Variants in ARID4A observed in about 807,000 individuals in gnomAD.
ARID4A encodes the protein AT-rich interactive domain-containing protein 4A.
Under a neutral mutation model 148.6 loss-of-function variants are expected in ARID4A, and 39 were observed. The ratio of observed to expected loss-of-function variants is 0.26; its 90% CI spans 0.20 to 0.34. The LOEUF is 0.34. Ranked by LOEUF, ARID4A falls within the 10% of genes least tolerant of loss-of-function variation. The pLI, the probability that ARID4A is intolerant of heterozygous loss-of-function variation, is 1.00. For synonymous variants in ARID4A, 475 were observed against 481.2 expected, an observed-to-expected ratio of 0.99 and a Z score of 0.17; for missense variants, 1,265 against 1,449.1, an observed-to-expected ratio of 0.87 and a Z score of 2.06.
rs1029800532 is a variant in ARID4A, at chr14:58,372,067, G to A, written c.*78G>A. On this transcript the variant is annotated 3_prime_UTR_variant, in exon 24 of 24. Transcript: ENST00000355431. ...AAACCCTGAATTACAACCACAGAAA[G>A]CACTCAACTGGTTTGACATTGCTAA... is the stretch of plus-strand genomic sequence containing the variant. The A allele has an allele frequency of 1.5e-5, 15 of 1,013,948 alleles. No homozygotes were observed. Among genetic ancestry groups the A allele is most frequent in the Non-Finnish European group, 2.3e-5 (15 of 652,836 alleles). The allele number at this position is 1,013,948 out of a possible 1,614,324, so 62.8% of individuals were successfully genotyped here.
rs1382669790 is a variant in ARID4A at position 58,357,335 on chromosome 14, G to A, written c.1854-1797G>A. On this transcript the variant is annotated intron_variant, in intron 17 of 23. Transcript: ENST00000355431. ...TTATCAGGACATAATGGCATCATAAGTAAAGGAGCATCTGTATAGGTAGTC... is the reference window on the plus strand; with the variant it reads ...TTATCAGGACATAATGGCATCATAAATAAAGGAGCATCTGTATAGGTAGTC... Among the ~76,000 whole-genome samples, 3 of 152,192 alleles carry A rather than the reference G, an allele frequency of 2.0e-5. No individual in the cohort carries two copies. In the East Asian group the frequency reaches 5.8e-4, roughly 29 times the overall value.
intron 11 of ARID4A, among the ~76,000 whole-genome samples, chr14:58,334,983 A>T (rs566806559): frequency 6.6e-6 from 1 of 152,258 alleles, no homozygotes; most frequent in African/African-American, 2.4e-5. Context: ...AGAGTTACAT[A>T]CACTGTTCAT....
intron 5 of ARID4A, among the ~76,000 whole-genome samples, chr14:58,310,157 T>A (rs1476626565): frequency 6.6e-6 from 1 of 152,210 alleles, no homozygotes; most frequent in Non-Finnish European, 1.5e-5. Flanking sequence ...CATGATATTT[T>A]CTTAATGTAA....
chr14:58,326,035 G>C (rs1332666717), intron 8 of ARID4A, among the ~76,000 whole-genome samples: 1 of 152,068 alleles, frequency 6.6e-6, no homozygotes, highest in African/African-American at 2.4e-5. Context: ...GGACTCCCTG[G>C]CCTGAGAGAT....
chr14:58,350,752 AGT>A (rs1032014224), intron 15 of ARID4A, among the ~76,000 whole-genome samples: 1 of 152,230 alleles, frequency 6.6e-6, no homozygotes, highest in African/African-American at 2.4e-5. Flanking sequence ...AAATAATAAA[AGT>A]GAGATAAAAT....
intron 23 of ARID4A, among the ~76,000 whole-genome samples, chr14:58,368,903 T>A (rs1022247880): frequency 1.3e-5 from 2 of 152,184 alleles, no homozygotes; most frequent in Non-Finnish European, 2.9e-5. Flanking sequence ...AGTTTCAGAT[T>A]TTGGATTTTT....
intron 5 of ARID4A, among the ~76,000 whole-genome samples, chr14:58,310,222 G>GT (rs558652152): frequency 0.019 from 2,833 of 146,956 alleles, 70 homozygotes; most frequent in African/African-American, 0.049. Context: ...GTTTTTTTTT[G>GT]TTTTTTTTTG....
chr14:58,300,620 C>CT (rs1024952784), intron 2 of ARID4A, among the ~76,000 whole-genome samples: 7 of 152,164 alleles, frequency 4.6e-5, no homozygotes, highest in African/African-American at 1.7e-4. Context: ...TTTTCCCAAA[C>CT]TTTCTCGTGG....
rs898078412 is a variant in ARID4A, at chr14:58,366,243, T to C, written c.3523+13T>C. The C allele has an allele frequency of 3.1e-6, 5 of 1,591,966 alleles. No individual in the cohort carries two copies. The highest frequency in any genetic ancestry group is 4.3e-6 in the Non-Finnish European group (5 of 1,161,394). On this transcript the variant is annotated intron_variant, in intron 22 of 23. Coordinates refer to ENST00000355431, the MANE Select transcript of ARID4A (RefSeq NM_002892.4). Reference sequence around the variant, plus strand: ...AGCTTTCAGCTCAGTAAGAAGCTTATAGAAAACTTGATAGATGAATACTGT... The same window carrying C: ...AGCTTTCAGCTCAGTAAGAAGCTTACAGAAAACTTGATAGATGAATACTGT...
Position 58,365,556 on chromosome 14 carries a change from G to T in ARID4A, c.3250G>T (p.Ala1084Ser), listed in dbSNP as rs1258191504. The change falls in exon 21 of 24, where the codon GCA becomes TCA. Residue 1084 changes from alanine (A) to serine (S), a missense_variant. Physicochemically the swap from Ala to Ser is moderately conservative, Grantham distance 99. Around this residue, in one of 9 missense-constraint regions of ARID4A, gnomAD observed 666 missense variants for 730.9 expected, o/e 0.91. Transcript: ENST00000355431. ...RPSDGNSGLM[A>S]KKQKRTPKRT... ...AAGTGATGGAAATAGTGGATTAATG[G>T]CAAAAAAGCAAAAGCGTACCCCAAA... 1.9e-6 allele frequency: 3 copies of T among 1,594,310 alleles called. No homozygotes were observed. In the East Asian group the frequency reaches 6.9e-5, roughly 37 times the overall value.
chr14:58,349,714 A>G (rs1338897254), intron 15 of ARID4A, among the ~76,000 whole-genome samples: 2 of 152,080 alleles, frequency 1.3e-5, no homozygotes, highest in Non-Finnish European at 2.9e-5. Flanking sequence ...ACTCCATCTC[A>G]AAAAAATGAA....
chr14:58,301,567 T>C lies in ARID4A; in HGVS notation c.7-13T>C, dbSNP rs752712051. On this transcript the variant is annotated splice_polypyrimidine_tract_variant and intron_variant, in intron 2 of 23. Transcript: ENST00000355431. Reference sequence around the variant, plus strand: ...TAGTAATGACATTCACAGTTTTATGTTCCTTTCACCAGGCGGCAGATGAGC... The same window carrying C: ...TAGTAATGACATTCACAGTTTTATGCTCCTTTCACCAGGCGGCAGATGAGC... 25 of 1,604,678 alleles carry C rather than the reference T, an allele frequency of 1.6e-5. No homozygotes were observed. In the Admixed American group the frequency reaches 4.2e-4, roughly 27 times the overall value.
chr14:58,351,467 G>T, intron 16 of ARID4A, 144 bp downstream of exon 16: 1 of 1,095,446 alleles, frequency 9.1e-7, no homozygotes, highest in Admixed American at 2.4e-5. Context: ...GACACATTGT[G>T]AAGATGATGT....
chr14:58,362,759 T>C (rs1011302084), intron 19 of ARID4A, among the ~76,000 whole-genome samples: 1 of 152,114 alleles, frequency 6.6e-6, no homozygotes, highest in Non-Finnish European at 1.5e-5. Context: ...GGTTTTACTA[T>C]GTTAGCCACG....
At chr14:58,306,376 G>C (rs1273266103) in intron 5 of ARID4A, among the ~76,000 whole-genome samples, 2 of 152,116 alleles carry the variant, frequency 1.3e-5, no homozygotes, top group Non-Finnish European at 2.9e-5. Flanking sequence ...AAGAAAGTTA[G>C]ATCACATGAT....
At chr14:58,353,484 C>T in intron 16 of ARID4A, 174 bp from the exon 17 acceptor site, 1 of 582,654 alleles carries the variant, frequency 1.7e-6, no homozygotes, top group Non-Finnish European at 3.0e-6. Context: ...ATAATAAATT[C>T]CTTAGTAAGT....
intron 21 of ARID4A, 85 bp downstream of exon 21, chr14:58,365,707 A>G (rs2035332573): frequency 2.5e-6 from 3 of 1,181,460 alleles, no homozygotes; most frequent in Admixed American, 2.4e-5. Flanking sequence ...ATGGAGCAAT[A>G]CTATATTGTT....
At chr14:58,355,571 T>A (rs1351193979) in intron 17 of ARID4A, among the ~76,000 whole-genome samples, 1 of 152,218 alleles carries the variant, frequency 6.6e-6, no homozygotes, top group African/African-American at 2.4e-5. Context: ...AACTATGCTG[T>A]GGCTAAGCAG....
chr14:58,336,812 A>G (rs1407188026), intron 11 of ARID4A, among the ~76,000 whole-genome samples: 1 of 152,098 alleles, frequency 6.6e-6, no homozygotes, highest in Non-Finnish European at 1.5e-5. Context: ...GCATTGCCTG[A>G]GAAAAGAGAG....
Sources: allele counts gnomAD v4.1 joint callset (sites outside exome capture counted in the v4.1 genomes callset), GRCh38; gene constraint gnomAD v4.1.1; regional missense constraint gnomAD v4.1.1; transcripts MANE v1.5; gene names NCBI Gene and HGNC (gene_info 2026-07-23, HGNC 2026-07-21).